Variants in CYFIP2 observed in about 807,000 individuals in gnomAD.
CYFIP2 encodes cytoplasmic FMR1 interacting protein 2.
In CYFIP2, 29 loss-of-function variants were observed where a neutral mutation model predicts 158.7. The ratio of observed to expected loss-of-function variants is 0.18; its 90% CI spans 0.14 to 0.25. The LOEUF (loss-of-function observed/expected upper bound fraction) is 0.25. Ranked by LOEUF, CYFIP2 falls within the 10% of genes least tolerant of loss-of-function variation. The pLI is 1.00. For synonymous variants in CYFIP2, 585 were observed against 617.6 expected (o/e 0.95, Z 0.78); for missense variants, 852 against 1,639.5 (o/e 0.52, Z 8.29).
intron 9 of CYFIP2, 24 bp from the exon 10 acceptor site, chr5:157,309,719 G>A (rs750938899): frequency 1.0e-5 from 16 of 1,580,344 alleles, no homozygotes; most frequent in African/African-American, 4.0e-5. Context: ...AGCATCTCAC[G>A]AGCTGTGTTT....
chr5:157,325,763 C>G, intron 17 of CYFIP2, 125 bp downstream of exon 17: 3 of 1,030,604 alleles, frequency 2.9e-6, no homozygotes, highest in South Asian at 2.0e-5. Flanking sequence ...TATGTCCCAC[C>G]ACAGGGAGAG....
intron 1 of CYFIP2, chr5:157,271,342 T>C (rs1054016846): frequency 6.6e-6 from 1 of 152,294 alleles, no homozygotes; most frequent in Admixed American, 6.5e-5. Context: ...TGCTTTAGTG[T>C]TGGGAGGGTC....
intron 15 of CYFIP2, among the ~76,000 whole-genome samples, chr5:157,322,011 G>C (rs1012333378): frequency 3.9e-5 from 6 of 152,218 alleles, no homozygotes; most frequent in Admixed American, 6.5e-5. Flanking sequence ...GGACTTAACA[G>C]GCAGAGAGAA....
chr5:157,350,549 C>T (rs1022193251), intron 23 of CYFIP2, among the ~76,000 whole-genome samples: 9 of 152,176 alleles, frequency 5.9e-5, no homozygotes, highest in Admixed American at 2.6e-4. Context: ...AGTTTGAAGT[C>T]GGGTAATGTG....
At chr5:157,356,913 C>G (rs763764205) in intron 23 of CYFIP2, among the ~76,000 whole-genome samples, 4 of 152,172 alleles carry the variant, frequency 2.6e-5, no homozygotes, top group Admixed American at 6.5e-5. Flanking sequence ...TCATACACTC[C>G]CAGGATTTGC....
chr5:157,322,897 C>T, intron 15 of CYFIP2: 2 of 1,482,344 alleles, frequency 1.3e-6, no homozygotes, highest in Admixed American at 3.9e-5. Context: ...CCCTGTCTCT[C>T]CTGCCCTCCC....
chr5:157,347,629 G>A (rs1385097649), intron 23 of CYFIP2, among the ~76,000 whole-genome samples: 1 of 152,232 alleles, frequency 6.6e-6, no homozygotes, highest in East Asian at 1.9e-4. Context: ...TTTGCGGGGA[G>A]TAAAAATACC....
At position 157,331,175 on chromosome 5, in the gene CYFIP2, C is replaced by T. The variant is rs190877122; in HGVS notation, c.2265+325C>T. 2.5e-4 allele frequency among the ~76,000 whole-genome samples: 38 copies of T among 152,060 alleles called. No homozygotes were observed. The East Asian group carries it at 7.0e-3, about 28-fold the overall frequency. ...GCCACTTAGAGATGGGTAAATCTGTCCCTGAACAGGGCCCAAGTGCCGGTC... is the reference window on the plus strand; with the variant it reads ...GCCACTTAGAGATGGGTAAATCTGTTCCTGAACAGGGCCCAAGTGCCGGTC... On this transcript the variant is annotated intron_variant, in intron 20 of 30. Coordinates refer to ENST00000620254, the MANE Select transcript of CYFIP2 (RefSeq NM_001037333.3).
At chr5:157,292,244 A>G (rs1056668567) in intron 3 of CYFIP2, among the ~76,000 whole-genome samples, 1 of 140,520 alleles carries the variant, frequency 7.1e-6, no homozygotes, top group Admixed American at 7.2e-5. Flanking sequence ...TTTGAGATGG[A>G]GTTTTGCTCT....
intron 28 of CYFIP2, among the ~76,000 whole-genome samples, chr5:157,384,042 G>C (rs1212592067): frequency 1.3e-5 from 2 of 152,170 alleles, no homozygotes; most frequent in Non-Finnish European, 2.9e-5. Flanking sequence ...AGTTTATCAT[G>C]GTGGCAACCT....
At chr5:157,274,673 A>G (rs1756400011) in intron 1 of CYFIP2, among the ~76,000 whole-genome samples, 1 of 152,214 alleles carries the variant, frequency 6.6e-6, no homozygotes, top group Non-Finnish European at 1.5e-5. Flanking sequence ...TTGCGGCACC[A>G]TCTTACATTC....
chr5:157,293,183 G>A (rs1434616729), intron 3 of CYFIP2, among the ~76,000 whole-genome samples: 1 of 152,086 alleles, frequency 6.6e-6, no homozygotes. Context: ...AGCCTCCAGA[G>A]TAGCTGAGAT....
intron 23 of CYFIP2, chr5:157,345,688 C>G (rs1369516143): frequency 6.5e-6 from 1 of 152,686 alleles, no homozygotes; most frequent in Non-Finnish European, 1.5e-5. Flanking sequence ...GCCCCTAATG[C>G]TCACATTATT....
At chr5:157,373,044 G>T (rs911027391) in intron 26 of CYFIP2, among the ~76,000 whole-genome samples, 3 of 152,112 alleles carry the variant, frequency 2.0e-5, no homozygotes, top group African/African-American at 7.2e-5. Context: ...AACAGCAAAG[G>T]GGTCTTCATA....
Position 157,307,637 on chromosome 5 carries a change from G to GTGTGTGTGTGTGTGTGTGTGTGTGTGTA in CYFIP2, c.796-105_796-104insGTGTGTGTATGTGTGTGTGTGTGTGTGT, listed in dbSNP as rs1491588464. ...ATAATATAATGTGTGTCTCTACAGG[G>GTGTGTGTGTGTGTGTGTGTGTGTGTGTA]TGTGTGTGTGTGTGTGTGTATGTGT... On this transcript the variant is annotated intron_variant, in intron 8 of 30. Transcript: ENST00000620254. The GTGTGTGTGTGTGTGTGTGTGTGTGTGTA allele has an allele frequency of 1.7e-4, 58 of 349,500 alleles. No homozygotes were observed. In the African/African-American group the frequency reaches 4.0e-3, roughly 24 times the overall value. The allele number at this position is 349,500 out of a possible 1,614,324, so 21.6% of individuals were successfully genotyped here. A position where few individuals can be genotyped will look rare whatever the true frequency, so the allele number is the denominator to read the frequency against.
intron 8 of CYFIP2, among the ~76,000 whole-genome samples, chr5:157,305,209 A>T (rs1468897685): frequency 6.6e-6 from 1 of 152,218 alleles, no homozygotes; most frequent in African/African-American, 2.4e-5. Context: ...GTGCTGCTAT[A>T]AACATGTGTG....
chr5:157,286,984 A>G, intron 2 of CYFIP2, 35 bp from the exon 3 acceptor site: 4 of 1,586,614 alleles, frequency 2.5e-6, no homozygotes, highest in Non-Finnish European at 3.4e-6. Flanking sequence ...ACTGTTTTCT[A>G]ACAACCAAAA....
intron 21 of CYFIP2, among the ~76,000 whole-genome samples, chr5:157,336,976 G>A (rs1761900643): frequency 6.6e-6 from 1 of 152,320 alleles, no homozygotes; most frequent in Admixed American, 6.5e-5. Flanking sequence ...TTTCCCTTGT[G>A]AACACGGATG....
Position 157,320,783 on chromosome 5 carries a change from T to TG in CYFIP2, c.1656dup (p.Pro553AlafsTer14). ...GATATCAAGGTGCCCCGGCGTGCTG[T>TG]GGGGCCATCCAGCACACAGGTAAGC... On this transcript the variant is annotated frameshift_variant, in exon 15 of 31. Coordinates refer to ENST00000620254, the MANE Select transcript of CYFIP2 (RefSeq NM_001037333.3). LOFTEE classifies it high-confidence loss of function. 6.2e-7 allele frequency: 1 copy of TG among 1,601,196 alleles called. No homozygotes were observed.
Sources: gnomAD v4.1 joint callset for allele counts (sites outside exome capture counted in the v4.1 genomes callset) on GRCh38, gnomAD v4.1.1 for gene constraint, MANE v1.5 for transcripts, NCBI Gene and HGNC (gene_info 2026-07-23, HGNC 2026-07-21) for gene names.